The following VPS41 variants were observed in gnomAD, a reference collection of about 807,000 sequenced individuals.
The protein encoded by VPS41 is VPS41 subunit of HOPS complex, also known as vacuolar protein sorting-associated protein 41 homolog.
Under a neutral mutation model 130.9 loss-of-function variants are expected in VPS41, and 85 were observed. The ratio of observed to expected loss-of-function variants is 0.65; its 90% CI spans 0.55 to 0.78. VPS41 has a LOEUF of 0.78. Ranked by LOEUF, VPS41 falls within the 30% of genes least tolerant of loss-of-function variation. The pLI, the probability that VPS41 is intolerant of heterozygous loss-of-function variation, is 0.00. For synonymous variants in VPS41, 335 were observed against 332.9 expected, an observed-to-expected ratio of 1.01 and a Z score of -0.07; for missense variants, 874 against 1,018.7, an observed-to-expected ratio of 0.86 and a Z score of 1.93.
intron 11 of VPS41, chr7:38,775,236 G>C (rs1425588314): frequency 6.6e-6 from 1 of 152,086 alleles, no homozygotes; most frequent in Non-Finnish European, 1.5e-5. Flanking sequence ...CTGTGTTTAA[G>C]GATTTAAGGT....
At chr7:38,892,035 C>A (rs929786748) in intron 2 of VPS41, among the ~76,000 whole-genome samples, 1 of 151,918 alleles carries the variant, frequency 6.6e-6, no homozygotes, top group African/African-American at 2.4e-5. Flanking sequence ...TATAAATTAA[C>A]TATTCTCTAT....
chr7:38,885,822 C>T (rs903082762), intron 2 of VPS41, among the ~76,000 whole-genome samples: 2 of 151,964 alleles, frequency 1.3e-5, no homozygotes, highest in African/African-American at 4.8e-5. Flanking sequence ...AACAATAGGA[C>T]ATCTCAGAAA....
chr7:38,874,320 C>A (rs184455103), intron 2 of VPS41, among the ~76,000 whole-genome samples: 5 of 152,236 alleles, frequency 3.3e-5, no homozygotes, highest in Admixed American at 3.3e-4. Context: ...GATACCATTT[C>A]TTTATTAAAA....
intron 19 of VPS41, 44 bp from the exon 20 acceptor site, chr7:38,754,980 T>C (rs768355190): frequency 6.9e-6 from 11 of 1,589,388 alleles, no homozygotes; most frequent in Admixed American, 1.7e-5. Flanking sequence ...ATCCGTTATT[T>C]AAGAAGAGAA....
At chr7:38,870,568 T>G (rs1786330203) in intron 2 of VPS41, among the ~76,000 whole-genome samples, 1 of 151,854 alleles carries the variant, frequency 6.6e-6, no homozygotes, top group Non-Finnish European at 1.5e-5. Flanking sequence ...TACTGGGGCC[T>G]CTACAATTTT....
intron 10 of VPS41, among the ~76,000 whole-genome samples, chr7:38,787,446 A>C (rs1237852910): frequency 6.6e-6 from 1 of 152,214 alleles, no homozygotes; most frequent in Admixed American, 6.5e-5. Context: ...TTTGAAAGAA[A>C]ATATGATGTC....
chr7:38,770,337 C>A (rs4610638), intron 14 of VPS41, among the ~76,000 whole-genome samples: 96,619 of 150,950 alleles, frequency 0.64, 32,291 homozygotes, highest in East Asian at 0.88. Flanking sequence ...ACCTCTCTGC[C>A]TCTTCACATA....
At chr7:38,866,699 G>A (rs1357934975) in intron 3 of VPS41, among the ~76,000 whole-genome samples, 1 of 152,154 alleles carries the variant, frequency 6.6e-6, no homozygotes, top group East Asian at 1.9e-4. Flanking sequence ...GAAATCCTGA[G>A]ATTTAAAACC....
At chr7:38,812,006 C>CTAGG (rs1784951753) in intron 7 of VPS41, among the ~76,000 whole-genome samples, 1 of 151,952 alleles carries the variant, frequency 6.6e-6, no homozygotes, top group Non-Finnish European at 1.5e-5. Flanking sequence ...TTAAGGTAGG[C>CTAGG]TAGGCTAAGA....
chr7:38,853,239 G>A (rs1261161437), intron 4 of VPS41, among the ~76,000 whole-genome samples: 1 of 151,992 alleles, frequency 6.6e-6, no homozygotes, highest in Non-Finnish European at 1.5e-5. Context: ...CTAACACAGT[G>A]AAACCCCATC....
chr7:38,735,553 C>T (rs530073915), intron 25 of VPS41, among the ~76,000 whole-genome samples: 19 of 151,830 alleles, frequency 1.3e-4, no homozygotes, highest in African/African-American at 3.6e-4. Flanking sequence ...GTATGGTGTG[C>T]GTAGTTTAAC....
chr7:38,890,211 T>C (rs976669070), intron 2 of VPS41, among the ~76,000 whole-genome samples: 1 of 152,180 alleles, frequency 6.6e-6, no homozygotes, highest in Admixed American at 6.5e-5. Context: ...TAACATATCA[T>C]TACTTTAAAT....
chr7:38,792,752 C>A (rs1784557162), intron 9 of VPS41, among the ~76,000 whole-genome samples: 1 of 152,118 alleles, frequency 6.6e-6, no homozygotes, highest in Admixed American at 6.6e-5. Context: ...CTACCTCAGT[C>A]AAATTAAAAG....
chr7:38,742,762 T>TAAAA lies in VPS41; in HGVS notation c.2122+636_2122+639dup, dbSNP rs371618498. Among the ~76,000 whole-genome samples, 1,110 of 144,714 alleles carry TAAAA rather than the reference T, an allele frequency of 7.7e-3. 31 individuals carry two copies. The East Asian group carries it at 0.11, about 14-fold the overall frequency. 94.9% of individuals were successfully genotyped at this position (144,714 alleles called of 152,430 possible). A position where few individuals can be genotyped will look rare whatever the true frequency, so the allele number is the denominator to read the frequency against. ...GAACACAAAGACTTCCTACCAAACT[T>TAAAA]AAAAAAAAAAAAAAGGAAAGAGGAA... On this transcript the variant is annotated intron_variant, in intron 24 of 28. Coordinates refer to ENST00000310301, the MANE Select transcript of VPS41 (RefSeq NM_014396.4).
intron 8 of VPS41, among the ~76,000 whole-genome samples, chr7:38,795,939 A>G (rs938480990): frequency 2.6e-5 from 4 of 152,224 alleles, no homozygotes; most frequent in African/African-American, 9.6e-5. Flanking sequence ...TCGTTCCACC[A>G]TGAAAAATGA....
rs17700190 is a variant in VPS41, at chr7:38,725,132, A to G, written c.*1114T>C. 0.18 allele frequency: 27,264 copies of G among 152,238 alleles called. 3,330 individuals carry two copies. The highest frequency in any genetic ancestry group is 0.43 in the East Asian group (2,203 of 5,178). The allele number at this position is 152,238 out of a possible 1,614,324, so 9.4% of individuals were successfully genotyped here. A position where few individuals can be genotyped will look rare whatever the true frequency, so the allele number is the denominator to read the frequency against. ...CACCCTGTCCTTTCCCCAAAAAGAA[A>G]GAAGCAGAAAGCTGTATTTGTTCCC... On this transcript the variant is annotated 3_prime_UTR_variant, in exon 29 of 29. Coordinates refer to ENST00000310301, the MANE Select transcript of VPS41 (RefSeq NM_014396.4).
intron 9 of VPS41, 92 bp from the exon 10 acceptor site, chr7:38,789,959 C>A: frequency 7.9e-7 from 1 of 1,272,406 alleles, no homozygotes; most frequent in Non-Finnish European, 1.1e-6. Context: ...TTAAATTAAC[C>A]TTGTAGCACT....
At chr7:38,752,092 T>C (rs1222806134) in intron 22 of VPS41, 84 bp downstream of exon 22, 3 of 1,566,942 alleles carry the variant, frequency 1.9e-6, no homozygotes, top group African/African-American at 2.7e-5. Flanking sequence ...TGAACAGAGA[T>C]AGAAAGAGAA....
At chr7:38,845,843 A>G (rs1785711906) in intron 4 of VPS41, among the ~76,000 whole-genome samples, 1 of 152,274 alleles carries the variant, frequency 6.6e-6, no homozygotes, top group African/African-American at 2.4e-5. Context: ...ATTGTTAAAG[A>G]GAATAAACTT....
Sources: allele counts gnomAD v4.1 joint callset (sites outside exome capture counted in the v4.1 genomes callset), GRCh38; gene constraint gnomAD v4.1.1; transcripts MANE v1.5; gene names NCBI Gene and HGNC (gene_info 2026-07-23, HGNC 2026-07-21).